Variants in KCNJ6 observed in about 807,000 individuals in gnomAD.
The protein encoded by KCNJ6 is potassium inwardly rectifying channel subfamily J member 6.
Under a neutral mutation model 34.2 loss-of-function variants are expected in KCNJ6, and 9 were observed. The observed-to-expected ratio is 0.26, with a 90% confidence interval of 0.16 to 0.46. The LOEUF (loss-of-function observed/expected upper bound fraction) is 0.46. KCNJ6 is among the 20% of genes least tolerant of loss of function. The pLI is 1.00. For synonymous variants in KCNJ6, 196 were observed against 207.1 expected (o/e 0.95, Z 0.46); for missense variants, 236 against 531.3 (o/e 0.44, Z 5.46).
chr21:37,737,615 C>T (rs1336219963), intron 2 of KCNJ6, among the ~76,000 whole-genome samples: 5 of 152,200 alleles, frequency 3.3e-5, no homozygotes, highest in East Asian at 1.9e-4. Flanking sequence ...GGACTTGATT[C>T]CCTTCTGCCC....
intron 1 of KCNJ6, among the ~76,000 whole-genome samples, chr21:37,844,560 T>C (rs905451338): frequency 6.6e-6 from 1 of 152,018 alleles, no homozygotes; most frequent in African/African-American, 2.4e-5. Flanking sequence ...CAGTCCTTGC[T>C]TTGAGCCAGG....
chr21:37,663,458 T>C (rs1401274102), intron 3 of KCNJ6, among the ~76,000 whole-genome samples: 1 of 98,880 alleles, frequency 1.0e-5, no homozygotes, highest in Admixed American at 1.1e-4. Flanking sequence ...GAGAGTTTCA[T>C]GAAACAAAAA....
At chr21:37,820,250 A>G (rs2835989) in intron 2 of KCNJ6, among the ~76,000 whole-genome samples, 53,786 of 152,074 alleles carry the variant, frequency 0.35, 10,130 homozygotes, top group South Asian at 0.41. Context: ...GCGCTGACCC[A>G]TTTATGTGGA....
At chr21:37,628,116 A>T (rs962313574) in intron 3 of KCNJ6, among the ~76,000 whole-genome samples, 1 of 152,234 alleles carries the variant, frequency 6.6e-6, no homozygotes, top group African/African-American at 2.4e-5. Context: ...TGTTTTCAAC[A>T]AAAATTTATG....
chr21:37,609,725 G>C lies in KCNJ6; in HGVS notation c.*15434C>G, dbSNP rs945626432. 6 of 152,142 alleles carry C rather than the reference G, an allele frequency of 3.9e-5. No homozygotes were observed. The highest frequency in any genetic ancestry group is 8.8e-5 in the Non-Finnish European group (6 of 68,030). The allele number at this position is 152,142 out of a possible 1,614,324, so 9.4% of individuals were successfully genotyped here. On this transcript the variant is annotated 3_prime_UTR_variant, in exon 4 of 4. Coordinates refer to ENST00000609713, the MANE Select transcript of KCNJ6 (RefSeq NM_002240.5). ...CTCCTTAATTATCCTGTCTGGTTTA[G>C]TTTTTGTTTTGTTTTTCTGACTGGG... is the stretch of plus-strand genomic sequence containing the variant.
At chr21:37,881,079 G>C (rs1255723018) in intron 1 of KCNJ6, among the ~76,000 whole-genome samples, 1 of 152,190 alleles carries the variant, frequency 6.6e-6, no homozygotes, top group Non-Finnish European at 1.5e-5. Flanking sequence ...AGAGTCTGGA[G>C]GCAGGCAGGC....
chr21:37,659,288 C>A (rs2054477677), intron 3 of KCNJ6, among the ~76,000 whole-genome samples: 1 of 152,096 alleles, frequency 6.6e-6, no homozygotes, highest in South Asian at 2.1e-4. Context: ...AACTGAGCAC[C>A]AAATAAGTCA....
At chr21:37,741,241 C>G (rs1442817855) in intron 2 of KCNJ6, among the ~76,000 whole-genome samples, 1 of 152,216 alleles carries the variant, frequency 6.6e-6, no homozygotes, top group African/African-American at 2.4e-5. Flanking sequence ...ACTAGATATT[C>G]TCCATCTGTC....
chr21:37,771,236 T>A (rs1046961371), intron 2 of KCNJ6, among the ~76,000 whole-genome samples: 1 of 152,202 alleles, frequency 6.6e-6, no homozygotes, highest in Non-Finnish European at 1.5e-5. Flanking sequence ...TGTGAAGGTA[T>A]TTTGCAGATA....
At chr21:37,900,472 G>T (rs2055811436) in intron 1 of KCNJ6, among the ~76,000 whole-genome samples, 2 of 152,224 alleles carry the variant, frequency 1.3e-5, no homozygotes, top group South Asian at 4.1e-4. Context: ...CTAGGAGCTT[G>T]CCTTCTATTG....
intron 1 of KCNJ6, among the ~76,000 whole-genome samples, chr21:37,869,719 T>C (rs2055640877): frequency 6.6e-6 from 1 of 152,220 alleles, no homozygotes; most frequent in Admixed American, 6.5e-5. Flanking sequence ...TTAATTCCAC[T>C]TTGTCATTCA....
chr21:37,757,985 C>G (rs140897219), intron 2 of KCNJ6, among the ~76,000 whole-genome samples: 1 of 152,220 alleles, frequency 6.6e-6, no homozygotes, highest in Non-Finnish European at 1.5e-5. Context: ...CCACCTCCTG[C>G]GAATGGCTTC....
chr21:37,898,381 G>A (rs2055799730), intron 1 of KCNJ6, among the ~76,000 whole-genome samples: 1 of 152,110 alleles, frequency 6.6e-6, no homozygotes, highest in Admixed American at 6.5e-5. Context: ...TCAGGAGATC[G>A]AGACCAGCCT....
intron 1 of KCNJ6, among the ~76,000 whole-genome samples, chr21:37,883,331 C>T (rs916890588): frequency 1.3e-5 from 2 of 152,226 alleles, no homozygotes; most frequent in African/African-American, 4.8e-5. Flanking sequence ...AATGTAAAAG[C>T]CATTCTTAGC....
chr21:37,896,729 G>A (rs537005919), intron 1 of KCNJ6, among the ~76,000 whole-genome samples: 3 of 152,236 alleles, frequency 2.0e-5, no homozygotes, highest in African/African-American at 7.2e-5. Flanking sequence ...GGGTTTCTCT[G>A]GCAGGAGCCA....
chr21:37,718,069 C>T (rs2054803411), intron 2 of KCNJ6, among the ~76,000 whole-genome samples: 3 of 152,186 alleles, frequency 2.0e-5, no homozygotes, highest in Non-Finnish European at 4.4e-5. Flanking sequence ...CAGGGCTGGA[C>T]CACATTTCTC....
chr21:37,817,426 C>T (rs535499775), intron 2 of KCNJ6, among the ~76,000 whole-genome samples: 1 of 152,286 alleles, frequency 6.6e-6, no homozygotes, highest in Admixed American at 6.5e-5. Flanking sequence ...TATGCAAATA[C>T]TGACATATTA....
intron 3 of KCNJ6, among the ~76,000 whole-genome samples, chr21:37,692,097 C>A (rs770152299): frequency 1.3e-5 from 2 of 151,998 alleles, no homozygotes; most frequent in Non-Finnish European, 2.9e-5. Flanking sequence ...TTAATGCATG[C>A]GGGGCTTAAA....
intron 2 of KCNJ6, among the ~76,000 whole-genome samples, chr21:37,800,217 G>T (rs1601477733): frequency 1.3e-5 from 2 of 152,182 alleles, no homozygotes; most frequent in African/African-American, 4.8e-5. Context: ...GGCAGAGGCT[G>T]AGCTAGCATG....
Sources: allele counts gnomAD v4.1 joint callset (sites outside exome capture counted in the v4.1 genomes callset), GRCh38; gene constraint gnomAD v4.1.1; transcripts MANE v1.5; gene names NCBI Gene and HGNC (gene_info 2026-07-23, HGNC 2026-07-21).